The following MACROD2 variants were observed in gnomAD, a reference collection of about 807,000 sequenced individuals.
MACROD2 encodes the protein mono-ADP ribosylhydrolase 2, also known as ADP-ribose glycohydrolase MACROD2.
A neutral mutation model predicts 70.4 loss-of-function variants in MACROD2; 36 were observed. The observed-to-expected ratio is 0.51, with a 90% CI of 0.39 to 0.68. MACROD2 has a LOEUF of 0.68. MACROD2 is among the 30% of genes least tolerant of loss of function. The pLI is 0.00. For synonymous variants in MACROD2, 172 were observed against 178.8 expected, an observed-to-expected ratio of 0.96 and a Z score of 0.30; for missense variants, 496 against 538.4, an observed-to-expected ratio of 0.92 and a Z score of 0.78.
intron 8 of MACROD2, among the ~76,000 whole-genome samples, chr20:15,712,234 G>A (rs371454144): frequency 3.3e-5 from 5 of 152,198 alleles, no homozygotes; most frequent in Admixed American, 6.5e-5. Flanking sequence ...GTTGTACTGC[G>A]TCTTTCTCAA....
intron 16 of MACROD2, among the ~76,000 whole-genome samples, chr20:16,042,429 A>C (rs776778347): frequency 1.3e-5 from 2 of 152,062 alleles, no homozygotes. Flanking sequence ...AAGAGAAGTA[A>C]ATGTGAAATA....
At chr20:16,044,125 G>A (rs1254259164) in intron 16 of MACROD2, among the ~76,000 whole-genome samples, 1 of 152,064 alleles carries the variant, frequency 6.6e-6, no homozygotes, top group Non-Finnish European at 1.5e-5. Flanking sequence ...CTTCTGATGA[G>A]GAACTCAGGA....
At chr20:15,118,693 T>G (rs535476401) in intron 5 of MACROD2, among the ~76,000 whole-genome samples, 2 of 152,226 alleles carry the variant, frequency 1.3e-5, no homozygotes, top group South Asian at 4.1e-4. Context: ...ATGAAGGGTT[T>G]AGGTTGTAGA....
At position 15,277,093 on chromosome 20, in the gene MACROD2, C is replaced by T. The variant is rs540991601; in HGVS notation, c.540+47032C>T. Among the ~76,000 whole-genome samples the T allele has an allele frequency of 4.6e-5, 7 of 152,200 alleles. 1 individual carries two copies. The highest frequency in any genetic ancestry group is 4.6e-4 in the Admixed American group (7 of 15,280). On this transcript the variant is annotated intron_variant, in intron 6 of 17. Coordinates refer to ENST00000684519, the MANE Select transcript of MACROD2 (RefSeq NM_001351661.2). Reference sequence around the variant, plus strand: ...GAGATGGGGTGGCTTTGACAACTTCCGTATTTCCTCCCTGCCATTTTCAAC... The same window carrying T: ...GAGATGGGGTGGCTTTGACAACTTCTGTATTTCCTCCCTGCCATTTTCAAC...
intron 6 of MACROD2, among the ~76,000 whole-genome samples, chr20:15,412,665 C>A (rs962572563): frequency 6.6e-6 from 1 of 152,116 alleles, no homozygotes; most frequent in African/African-American, 2.4e-5. Flanking sequence ...GACTGTAGGG[C>A]AAAATTTCAG....
At chr20:14,650,052 A>G (rs959713102) in intron 4 of MACROD2, among the ~76,000 whole-genome samples, 1 of 152,176 alleles carries the variant, frequency 6.6e-6, no homozygotes, top group African/African-American at 2.4e-5. Flanking sequence ...CAGGAGGCAG[A>G]AGGGAAAATT....
chr20:14,695,130 G>A, intron 5 of MACROD2, among the ~76,000 whole-genome samples: 1 of 152,072 alleles, frequency 6.6e-6, no homozygotes, highest in East Asian at 1.9e-4. Context: ...AAAAAAAGCA[G>A]AAATTTATTC....
In MACROD2 at chr20:14,532,280, G is replaced by A. The variant is rs187889586; in HGVS notation, c.301+38772G>A. ...GTCACCCAGGCTGGAGTGCAATGGC[G>A]CAATCTCGGCTCACTGCAACCTCCG... On this transcript the variant is annotated intron_variant, in intron 4 of 17. Coordinates refer to ENST00000684519, the MANE Select transcript of MACROD2 (RefSeq NM_001351661.2). 4.9e-3 allele frequency among the ~76,000 whole-genome samples: 720 copies of A among 148,018 alleles called. 13 individuals are homozygous for A. Among genetic ancestry groups the A allele is most frequent in the African/African-American group, 0.017 (668 of 39,774 alleles).
intron 3 of MACROD2, among the ~76,000 whole-genome samples, chr20:14,252,631 C>T (rs1249603264): frequency 6.6e-6 from 1 of 152,008 alleles, no homozygotes; most frequent in Middle Eastern, 3.2e-3. Flanking sequence ...ATCTGGCACA[C>T]ACCAAATGTT....
rs74841624 is a variant in MACROD2, at chr20:14,269,974, T to A, written c.271+184246T>A. 9.2e-5 allele frequency among the ~76,000 whole-genome samples: 14 copies of A among 152,306 alleles called. 1 individual carries two copies. In the South Asian group the frequency reaches 2.9e-3, roughly 32 times the overall value. ...CTTAGGGATATTATATAAGCTTTTT[T>A]ACCTACTACTCCAAGAAATCTGCAT... On this transcript the variant is annotated intron_variant, in intron 3 of 17. Transcript: ENST00000684519.
intron 3 of MACROD2, among the ~76,000 whole-genome samples, chr20:14,454,335 T>C (rs1212047662): frequency 6.6e-6 from 1 of 151,998 alleles, no homozygotes; most frequent in African/African-American, 2.4e-5. Flanking sequence ...ATCAACTGTA[T>C]ATATTTTTCT....
intron 5 of MACROD2, among the ~76,000 whole-genome samples, chr20:15,134,958 A>C (rs1420730167): frequency 6.6e-6 from 1 of 152,188 alleles, no homozygotes; most frequent in Non-Finnish European, 1.5e-5. Flanking sequence ...AAACTAGAAA[A>C]TCTAGAAGAA....
chr20:14,477,551 G>A (rs975428476), intron 3 of MACROD2, among the ~76,000 whole-genome samples: 1 of 152,104 alleles, frequency 6.6e-6, no homozygotes, highest in African/African-American at 2.4e-5. Context: ...ACACAAATTT[G>A]TATAGGTCTA....
intron 5 of MACROD2, among the ~76,000 whole-genome samples, chr20:14,694,361 T>C (rs1345717113): frequency 6.6e-6 from 1 of 152,132 alleles, no homozygotes; most frequent in African/African-American, 2.4e-5. Flanking sequence ...GAAAATTACT[T>C]AATTTTTCCC....
intron 5 of MACROD2, among the ~76,000 whole-genome samples, chr20:14,709,620 G>A (rs530146915): frequency 6.6e-6 from 1 of 152,270 alleles, no homozygotes; most frequent in African/African-American, 2.4e-5. Flanking sequence ...ACTGGCTGTA[G>A]CAAGAGATGA....
At chr20:14,553,806 G>C (rs1372674184) in intron 4 of MACROD2, among the ~76,000 whole-genome samples, 1 of 152,138 alleles carries the variant, frequency 6.6e-6, no homozygotes, top group Non-Finnish European at 1.5e-5. Flanking sequence ...CTTACATGAG[G>C]TAGGACCTGG....
At chr20:15,044,198 G>A (rs1018221856) in intron 5 of MACROD2, among the ~76,000 whole-genome samples, 1 of 152,090 alleles carries the variant, frequency 6.6e-6, no homozygotes, top group African/African-American at 2.4e-5. Flanking sequence ...AAGCTATTTA[G>A]GGGCCCATCA....
At chr20:14,049,039 A>T (rs1364340313) in intron 2 of MACROD2, among the ~76,000 whole-genome samples, 1 of 152,164 alleles carries the variant, frequency 6.6e-6, no homozygotes, top group Non-Finnish European at 1.5e-5. Flanking sequence ...TGGATATTTT[A>T]TACTTCTTGA....
chr20:14,044,257 C>T (rs1057107591), intron 2 of MACROD2, among the ~76,000 whole-genome samples: 114 of 151,680 alleles, frequency 7.5e-4, no homozygotes, highest in Middle Eastern at 3.4e-3. Flanking sequence ...GTTGTTTGTT[C>T]CTCCTGGTGG....
Sources: allele counts gnomAD v4.1 joint callset (sites outside exome capture counted in the v4.1 genomes callset), GRCh38; gene constraint gnomAD v4.1.1; transcripts MANE v1.5; gene names NCBI Gene and HGNC (gene_info 2026-07-23, HGNC 2026-07-21).